The following DCDC1 variants were observed in gnomAD, a reference collection of about 807,000 sequenced individuals.
DCDC1 encodes the protein doublecortin domain-containing protein 1.
DCDC1 carries 200 observed loss-of-function variants against 178.3 expected under a neutral mutation model. The ratio of observed to expected loss-of-function variants is 1.12; its 90% CI spans 1.00 to 1.26. The LOEUF is 1.26. Among genes scored for constraint, DCDC1 ranks in the 50% most tolerant of loss-of-function variants. The pLI, the probability that DCDC1 is intolerant of heterozygous loss-of-function variation, is 0.00. For synonymous variants in DCDC1, 690 were observed against 604.8 expected, an observed-to-expected ratio of 1.14 and a Z score of -2.07; for missense variants, 1,983 against 1,749.2, an observed-to-expected ratio of 1.13 and a Z score of -2.38.
chr11:31,274,693 A>G (rs970461612), intron 7 of DCDC1, among the ~76,000 whole-genome samples: 2 of 133,392 alleles, frequency 1.5e-5, no homozygotes, highest in Non-Finnish European at 3.1e-5. Flanking sequence ...ATCATTTCAC[A>G]AATGTCTTTT....
intron 21 of DCDC1, among the ~76,000 whole-genome samples, chr11:30,936,033 G>A (rs2134349832): frequency 6.6e-6 from 1 of 152,066 alleles, no homozygotes; most frequent in East Asian, 1.9e-4. Flanking sequence ...ACTTAATAGG[G>A]ACCTTCCCAG....
chr11:31,265,908 C>T (rs1999250), intron 7 of DCDC1, among the ~76,000 whole-genome samples: 43,737 of 148,032 alleles, frequency 0.3, 7,873 homozygotes, highest in East Asian at 0.63. Flanking sequence ...TTATTATTAT[C>T]TATTATCTAT....
At chr11:31,183,479 T>C (rs1006100499) in intron 9 of DCDC1, among the ~76,000 whole-genome samples, 4 of 152,192 alleles carry the variant, frequency 2.6e-5, no homozygotes, top group Admixed American at 6.5e-5. Flanking sequence ...CTGAACAATC[T>C]GCTCCTGGAT....
At chr11:31,328,766 G>A (rs1949785183) in intron 2 of DCDC1, among the ~76,000 whole-genome samples, 1 of 148,028 alleles carries the variant, frequency 6.8e-6, no homozygotes, top group African/African-American at 2.5e-5. Flanking sequence ...CGGTGAGATC[G>A]CGCCACTGCA....
chr11:31,209,832 G>A (rs1972288372), intron 9 of DCDC1, among the ~76,000 whole-genome samples: 1 of 152,158 alleles, frequency 6.6e-6, no homozygotes, highest in Non-Finnish European at 1.5e-5. Flanking sequence ...AAGGATAAAG[G>A]AACAAGCATG....
chr11:31,354,484 G>A (rs575763954), intron 1 of DCDC1, among the ~76,000 whole-genome samples: 4 of 152,266 alleles, frequency 2.6e-5, no homozygotes, highest in South Asian at 2.1e-4. Context: ...CTGGAAAAGC[G>A]ATATCCATTT....
intron 8 of DCDC1, among the ~76,000 whole-genome samples, chr11:31,249,465 TTC>T (rs1341993582): frequency 6.6e-6 from 1 of 152,176 alleles, no homozygotes; most frequent in African/African-American, 2.4e-5. Context: ...CTTAACCACA[TTC>T]TGTTTTTGAC....
At chr11:31,071,112 G>A (rs199829682) in intron 18 of DCDC1, among the ~76,000 whole-genome samples, 1 of 151,974 alleles carries the variant, frequency 6.6e-6, no homozygotes, top group African/African-American at 2.4e-5. Context: ...ACATGTTTAT[G>A]TACAACGTAA....
chr11:30,876,494 T>C (rs1942133531), intron 38 of DCDC1, among the ~76,000 whole-genome samples: 1 of 152,208 alleles, frequency 6.6e-6, no homozygotes, highest in Admixed American at 6.5e-5. Flanking sequence ...TAAGTGTCGC[T>C]GCCTTGCTGG....
chr11:31,167,633 A>T (rs936237762), intron 9 of DCDC1, among the ~76,000 whole-genome samples: 1 of 152,062 alleles, frequency 6.6e-6, no homozygotes, highest in South Asian at 2.1e-4. Context: ...ATTTTATTAC[A>T]CCATTCTTTC....
intron 9 of DCDC1, among the ~76,000 whole-genome samples, chr11:31,240,183 A>G (rs1260026929): frequency 2.0e-5 from 3 of 152,012 alleles, no homozygotes; most frequent in Admixed American, 6.6e-5. Flanking sequence ...TTATAATATC[A>G]TGATATCTTA....
At chr11:31,176,031 C>G (rs1381443153) in intron 9 of DCDC1, among the ~76,000 whole-genome samples, 2 of 152,142 alleles carry the variant, frequency 1.3e-5, no homozygotes, top group Non-Finnish European at 2.9e-5. Flanking sequence ...AGAATGTAAT[C>G]AGTCTTCAAT....
intron 20 of DCDC1, among the ~76,000 whole-genome samples, chr11:31,040,595 T>A (rs557049309): frequency 1.3e-5 from 2 of 152,298 alleles, no homozygotes; most frequent in Admixed American, 6.5e-5. Context: ...GTTCAAATAT[T>A]TTCTACTGAA....
chr11:30,922,467 G>A, intron 24 of DCDC1, 36 bp downstream of exon 24: 1 of 1,456,980 alleles, frequency 6.9e-7, no homozygotes, highest in African/African-American at 1.5e-5. Context: ...TTTCATTTTG[G>A]CTGAATATAT....
At chr11:31,190,396 T>C (rs1970001250) in intron 9 of DCDC1, among the ~76,000 whole-genome samples, 1 of 152,168 alleles carries the variant, frequency 6.6e-6, no homozygotes, top group Non-Finnish European at 1.5e-5. Flanking sequence ...GGAAGTAATA[T>C]TTATTCAGGA....
At chr11:31,081,542 G>A (rs910107185) in intron 17 of DCDC1, among the ~76,000 whole-genome samples, 9 of 152,024 alleles carry the variant, frequency 5.9e-5, no homozygotes, top group African/African-American at 1.7e-4. Context: ...CCCAGGAGGC[G>A]GAGGTTGCGG....
At chr11:30,925,614 C>G (rs1946541265) in intron 22 of DCDC1, among the ~76,000 whole-genome samples, 1 of 152,124 alleles carries the variant, frequency 6.6e-6, no homozygotes, top group African/African-American at 2.4e-5. Context: ...ATTATTTAAC[C>G]TGTCTAAGGC....
intron 20 of DCDC1, among the ~76,000 whole-genome samples, chr11:31,023,284 T>C (rs1194751946): frequency 6.6e-6 from 1 of 152,080 alleles, no homozygotes; most frequent in Non-Finnish European, 1.5e-5. Flanking sequence ...TGCATATATG[T>C]AATAATATAT....
intron 6 of DCDC1, among the ~76,000 whole-genome samples, chr11:31,296,925 G>GA (rs563168445): frequency 1.4e-4 from 21 of 152,130 alleles, no homozygotes; most frequent in Non-Finnish European, 2.6e-4. Context: ...TTATATTTCA[G>GA]ATTACAATTC....
Sources: allele counts gnomAD v4.1 joint callset (sites outside exome capture counted in the v4.1 genomes callset), GRCh38; gene constraint gnomAD v4.1.1; transcripts MANE v1.5; gene names NCBI Gene and HGNC (gene_info 2026-07-23, HGNC 2026-07-21).